Variants in SSBP3 observed in about 807,000 individuals in gnomAD.
The protein encoded by SSBP3 is single-stranded DNA-binding protein 3.
SSBP3 carries 5 observed loss-of-function variants against 69.6 expected under a neutral mutation model. That is an observed-to-expected ratio of 0.07 (90% CI 0.04 to 0.15). SSBP3 has a LOEUF of 0.15. Ranked by LOEUF, SSBP3 falls within the 10% of genes least tolerant of loss-of-function variation. SSBP3 has a pLI of 1.00. For synonymous variants in SSBP3, 196 were observed against 193.4 expected (o/e 1.01, Z -0.11); for missense variants, 312 against 534.0 (o/e 0.58, Z 4.10).
chr1:54,249,340 T>C (rs1359715276), intron 9 of SSBP3, among the ~76,000 whole-genome samples: 1 of 152,230 alleles, frequency 6.6e-6, no homozygotes, highest in East Asian at 1.9e-4. Context: ...TTTCAGTCCC[T>C]AAAGTTGGAA....
chr1:54,379,803 C>A (rs2100716847), intron 4 of SSBP3, among the ~76,000 whole-genome samples: 1 of 152,352 alleles, frequency 6.6e-6, no homozygotes, highest in Non-Finnish European at 1.5e-5. Context: ...AATACCTAGG[C>A]CCCTACCATG....
At chr1:54,251,739 G>C (rs371166897) in intron 8 of SSBP3, 47 bp from the exon 9 acceptor site, 22 of 1,589,302 alleles carry the variant, frequency 1.4e-5, no homozygotes, top group Non-Finnish European at 1.9e-5. Flanking sequence ...AGTGGAGGGA[G>C]GAGGAGCCCC....
At chr1:54,288,694 G>C (rs1288635983) in intron 4 of SSBP3, among the ~76,000 whole-genome samples, 2 of 152,198 alleles carry the variant, frequency 1.3e-5, no homozygotes, top group Non-Finnish European at 2.9e-5. Flanking sequence ...CTCAAGGTCA[G>C]GCAGCTAAGT....
chr1:54,357,717 C>T (rs1646890818), intron 4 of SSBP3, among the ~76,000 whole-genome samples: 1 of 152,250 alleles, frequency 6.6e-6, no homozygotes, highest in Non-Finnish European at 1.5e-5. Flanking sequence ...GCCTGGTTAA[C>T]ATAGCAAGAC....
At chr1:54,228,643 C>T in intron 15 of SSBP3, 105 bp downstream of exon 15, 2 of 1,485,332 alleles carry the variant, frequency 1.3e-6, no homozygotes, top group South Asian at 1.3e-5. Context: ...TGTGCCCAGC[C>T]AAGGCCGGCC....
chr1:54,241,030 C>G (rs923394318), intron 12 of SSBP3, 71 bp from the exon 13 acceptor site: 13 of 1,516,490 alleles, frequency 8.6e-6, no homozygotes, highest in African/African-American at 1.4e-5. Flanking sequence ...CGGCATCCTC[C>G]CTCCCTGGTC....
At chr1:54,273,285 G>A (rs968417145) in intron 5 of SSBP3, among the ~76,000 whole-genome samples, 4 of 152,236 alleles carry the variant, frequency 2.6e-5, no homozygotes, top group Non-Finnish European at 5.9e-5. Flanking sequence ...AGGGAGAGGC[G>A]GCTCAAGTGT....
At chr1:54,410,231 C>T (rs1649955701), upstream of SSBP3, among the ~76,000 whole-genome samples, 1 of 152,174 alleles carries the variant, frequency 6.6e-6, no homozygotes, top group African/African-American at 2.4e-5. Context: ...GAATTCCAAG[C>T]TTAGGCTAGA....
chr1:54,398,275 C>G, intron 4 of SSBP3, among the ~76,000 whole-genome samples: 1 of 152,194 alleles, frequency 6.6e-6, no homozygotes, highest in Admixed American at 6.5e-5. Flanking sequence ...CACATGAAAA[C>G]ATGTTATAAA....
chr1:54,271,283 T>A lies in SSBP3; in HGVS notation c.366+10155A>T, dbSNP rs113153242. ...ATGCAACAAAGTCTCGCTAATTTTT[T>A]AATTTTTCTTTTGTAGAGACAGGGT... On this transcript the variant is annotated intron_variant, in intron 5 of 17. Coordinates refer to ENST00000610401, the Ensembl canonical transcript of SSBP3. 8.8e-3 allele frequency among the ~76,000 whole-genome samples: 1,333 copies of A among 152,252 alleles called. 10 individuals are homozygous for A. The highest frequency in any genetic ancestry group is 0.013 in the Non-Finnish European group (894 of 68,014).
intron 4 of SSBP3, among the ~76,000 whole-genome samples, chr1:54,283,323 G>T (rs910145576): frequency 2.0e-5 from 3 of 148,296 alleles, no homozygotes; most frequent in African/African-American, 7.4e-5. Context: ...CAACTTTGAT[G>T]AAAGGAAATG....
chr1:54,338,166 C>T (rs1320803631), intron 4 of SSBP3, among the ~76,000 whole-genome samples: 1 of 152,244 alleles, frequency 6.6e-6, no homozygotes, highest in Non-Finnish European at 1.5e-5. Context: ...CTGTGACTGC[C>T]CCTGTGGTCC....
At chr1:54,407,814 C>T (rs1208067104), upstream of SSBP3, among the ~76,000 whole-genome samples, 1 of 148,456 alleles carries the variant, frequency 6.7e-6, no homozygotes, top group Non-Finnish European at 1.5e-5. Flanking sequence ...ACGCCCCTCC[C>T]CCTAACATGC....
chr1:54,331,122 T>C (rs1646402446), intron 4 of SSBP3, among the ~76,000 whole-genome samples: 2 of 152,226 alleles, frequency 1.3e-5, no homozygotes, highest in South Asian at 4.1e-4. Flanking sequence ...CACATAAACA[T>C]ATGCCCCGAT....
intron 4 of SSBP3, among the ~76,000 whole-genome samples, chr1:54,389,923 T>G (rs928567189): frequency 2.8e-4 from 42 of 152,000 alleles, no homozygotes; most frequent in African/African-American, 9.9e-4. Flanking sequence ...ACAAACCTAT[T>G]AAGTCTACCT....
At chr1:54,405,142 G>A (rs1035879191) in intron 1 of SSBP3, among the ~76,000 whole-genome samples, 1 of 152,170 alleles carries the variant, frequency 6.6e-6, no homozygotes, top group African/African-American at 2.4e-5. Flanking sequence ...CAAGCGGTGA[G>A]GGATGGAGAG....
At chr1:54,348,341 G>A (rs1646725771) in intron 4 of SSBP3, among the ~76,000 whole-genome samples, 1 of 151,724 alleles carries the variant, frequency 6.6e-6, no homozygotes, top group Non-Finnish European at 1.5e-5. Flanking sequence ...GAGCCTGCGG[G>A]TCAAGAGGAC....
chr1:54,292,201 CATGCCAGGAA>C (rs1465962431), intron 4 of SSBP3, among the ~76,000 whole-genome samples: 1 of 152,222 alleles, frequency 6.6e-6, no homozygotes, highest in Non-Finnish European at 1.5e-5. Context: ...ACAGTTGGTG[CATGCCAGGAA>C]ATGGCAGTCC....
At chr1:54,255,585 C>T (rs185181726) in intron 7 of SSBP3, 182 of 152,320 alleles carry the variant, frequency 1.2e-3, no homozygotes, top group African/African-American at 4.0e-3. Context: ...GAAGTCACTC[C>T]TCCACTCTGA....
Sources: allele counts gnomAD v4.1 joint callset (sites outside exome capture counted in the v4.1 genomes callset), GRCh38; gene constraint gnomAD v4.1.1; transcripts MANE v1.5; gene names NCBI Gene and HGNC (gene_info 2026-07-23, HGNC 2026-07-21).